Variants in ARHGAP26 observed in about 807,000 individuals in gnomAD.
ARHGAP26 encodes the protein rho GTPase-activating protein 26.
Under a neutral mutation model 104.8 loss-of-function variants are expected in ARHGAP26, and 38 were observed. That is an observed-to-expected ratio of 0.36 (90% CI 0.28 to 0.48). The LOEUF is 0.48. Ranked by LOEUF, ARHGAP26 falls within the 20% of genes least tolerant of loss-of-function variation. ARHGAP26 has a pLI of 0.99. For synonymous variants in ARHGAP26, 341 were observed against 340.0 expected (o/e 1.00, Z -0.03); for missense variants, 704 against 947.9 (o/e 0.74, Z 3.38).
intron 12 of ARHGAP26, among the ~76,000 whole-genome samples, chr5:143,020,599 C>T (rs1055595034): frequency 2.0e-5 from 3 of 146,552 alleles, no homozygotes; most frequent in Non-Finnish European, 4.5e-5. Flanking sequence ...CCTTTCTTTC[C>T]TTGTGGTTTG....
chr5:142,945,164 C>T (rs143654517), intron 11 of ARHGAP26, among the ~76,000 whole-genome samples: 361 of 152,324 alleles, frequency 2.4e-3, no homozygotes, highest in African/African-American at 8.2e-3. Context: ...CATCCCATCT[C>T]AAGGAGCCAC....
intron 1 of ARHGAP26, among the ~76,000 whole-genome samples, chr5:142,856,536 T>C (rs540252343): frequency 6.6e-6 from 1 of 151,588 alleles, no homozygotes; most frequent in East Asian, 1.9e-4. Context: ...GAGGGAGGTG[T>C]ATTAGCCTCT....
chr5:142,909,815 CAA>C (rs1761586490), intron 9 of ARHGAP26, among the ~76,000 whole-genome samples: 1 of 152,182 alleles, frequency 6.6e-6, no homozygotes, highest in African/African-American at 2.4e-5. Context: ...TCAGCTTCAC[CAA>C]ATTGTTCTCT....
intron 1 of ARHGAP26, among the ~76,000 whole-genome samples, chr5:142,842,852 T>A (rs1771079644): frequency 6.6e-6 from 1 of 152,236 alleles, no homozygotes; most frequent in Non-Finnish European, 1.5e-5. Context: ...TGAATAATTG[T>A]CTTATGTGTG....
intron 1 of ARHGAP26, among the ~76,000 whole-genome samples, chr5:142,870,566 C>T (rs542201681): frequency 3.7e-4 from 57 of 152,326 alleles, no homozygotes; most frequent in Admixed American, 1.0e-3. Flanking sequence ...AACAGTTATT[C>T]ATGCTTACCT....
intron 11 of ARHGAP26, among the ~76,000 whole-genome samples, chr5:143,009,073 C>T (rs745886497): frequency 6.6e-6 from 1 of 151,414 alleles, no homozygotes; most frequent in Non-Finnish European, 1.5e-5. Context: ...GAGCTACTCT[C>T]CCCCCCTGGT....
At chr5:143,113,607 C>T (rs1428408692) in intron 17 of ARHGAP26, among the ~76,000 whole-genome samples, 1 of 152,138 alleles carries the variant, frequency 6.6e-6, no homozygotes, top group Non-Finnish European at 1.5e-5. Flanking sequence ...AAATGGAATG[C>T]CATCATATTT....
intron 1 of ARHGAP26, among the ~76,000 whole-genome samples, chr5:142,832,679 TGCA>T (rs1768716608): frequency 6.6e-6 from 1 of 152,212 alleles, no homozygotes; most frequent in African/African-American, 2.4e-5. Flanking sequence ...CCTGATGTCT[TGCA>T]GCTTTTGGTC....
chr5:143,181,581 C>T (rs1804383958), intron 20 of ARHGAP26, among the ~76,000 whole-genome samples: 1 of 152,188 alleles, frequency 6.6e-6, no homozygotes, highest in Non-Finnish European at 1.5e-5. Context: ...TACCTGTCTT[C>T]CCAGTTGTAT....
At chr5:143,219,020 A>G (rs1422425699) in intron 22 of ARHGAP26, among the ~76,000 whole-genome samples, 1 of 152,264 alleles carries the variant, frequency 6.6e-6, no homozygotes, top group East Asian at 1.9e-4. Flanking sequence ...AAAGGAGGAA[A>G]CTCAGGTGTG....
chr5:142,783,354 G>T (rs1455127058), intron 1 of ARHGAP26, among the ~76,000 whole-genome samples: 2 of 152,238 alleles, frequency 1.3e-5, no homozygotes, highest in Non-Finnish European at 2.9e-5. Flanking sequence ...GGATGTGGGG[G>T]AGCTCCTGAA....
In ARHGAP26 at chr5:143,058,123, C is replaced by G. The variant is rs1163470172; in HGVS notation, c.1538+376C>G. 6.6e-6 allele frequency: 3 copies of G among 454,372 alleles called. No homozygotes were observed. In the East Asian group the frequency reaches 1.2e-4, roughly 19 times the overall value. The allele number at this position is 454,372 out of a possible 1,614,324, so 28.1% of individuals were successfully genotyped here. On this transcript the variant is annotated intron_variant, in intron 17 of 22. Transcript: ENST00000645722. ...CAAACAAAAATATGTTGTGGGTTTA[C>G]AGAATTTGGGTTTTTAGTAAAGAGG...
chr5:143,174,965 G>A (rs1185995900), intron 20 of ARHGAP26, among the ~76,000 whole-genome samples: 1 of 152,228 alleles, frequency 6.6e-6, no homozygotes, highest in African/African-American at 2.4e-5. Flanking sequence ...GGAAGCTTAA[G>A]TGTAAATCTG....
At chr5:143,150,307 C>G (rs1257698365) in intron 20 of ARHGAP26, among the ~76,000 whole-genome samples, 4 of 152,188 alleles carry the variant, frequency 2.6e-5, no homozygotes, top group Non-Finnish European at 4.4e-5. Flanking sequence ...AAGAGGGTTC[C>G]TGTCTTCCCC....
chr5:142,969,163 A>G lies in ARHGAP26; in HGVS notation c.1107+37038A>G, dbSNP rs766030179. On this transcript the variant is annotated intron_variant, in intron 11 of 22. Transcript: ENST00000645722. ...GCCATGTGGCCCAGGCTTGTCTTGA[A>G]CTCCTGTGCTCAAGCAATCTGCCCA... Among the ~76,000 whole-genome samples the G allele has an allele frequency of 3.2e-4, 49 of 151,658 alleles. 1 individual carries two copies. Among genetic ancestry groups the G allele is most frequent in the Admixed American group, 7.2e-4 (11 of 15,242 alleles).
At chr5:142,977,586 T>C (rs1419901188) in intron 11 of ARHGAP26, among the ~76,000 whole-genome samples, 1 of 152,078 alleles carries the variant, frequency 6.6e-6, no homozygotes, top group Non-Finnish European at 1.5e-5. Context: ...CTCCAGTCTT[T>C]GCGTTGAACT....
At chr5:142,850,369 G>C (rs1409835493) in intron 1 of ARHGAP26, among the ~76,000 whole-genome samples, 1 of 151,930 alleles carries the variant, frequency 6.6e-6, no homozygotes, top group Non-Finnish European at 1.5e-5. Flanking sequence ...TCTTATTACA[G>C]ATGCTCTCTC....
At chr5:143,067,261 T>G (rs2150356567) in intron 17 of ARHGAP26, among the ~76,000 whole-genome samples, 1 of 152,294 alleles carries the variant, frequency 6.6e-6, no homozygotes, top group African/African-American at 2.4e-5. Flanking sequence ...TTTTACTCAG[T>G]TTGACTGCCC....
intron 10 of ARHGAP26, among the ~76,000 whole-genome samples, chr5:142,927,407 T>C (rs1764069441): frequency 6.6e-6 from 1 of 152,104 alleles, no homozygotes; most frequent in South Asian, 2.1e-4. Flanking sequence ...ATCATAGAAG[T>C]GGAGTCACAC....
Sources: allele counts gnomAD v4.1 joint callset (sites outside exome capture counted in the v4.1 genomes callset), GRCh38; gene constraint gnomAD v4.1.1; transcripts MANE v1.5; gene names NCBI Gene and HGNC (gene_info 2026-07-23, HGNC 2026-07-21).